GRM3: variants seen among roughly 807,000 people sequenced by gnomAD.
GRM3 encodes glutamate metabotropic receptor 3.
Under a neutral mutation model 70.5 loss-of-function variants are expected in GRM3, and 26 were observed. That is an observed-to-expected ratio of 0.37 (90% CI 0.27 to 0.51). GRM3 has a LOEUF of 0.51. Ranked by LOEUF, GRM3 falls within the 20% of genes least tolerant of loss-of-function variation. The probability of loss-of-function intolerance (pLI) is 0.93; values close to 1 mark genes in which losing one functional copy is unlikely to be tolerated. For missense variants in GRM3, 859 were observed against 1,123.8 expected (o/e 0.76, Z 3.37); for synonymous variants, 443 against 434.9 (o/e 1.02, Z -0.23).
chr7:86,762,686 T>C (rs1045074934), intron 1 of GRM3, among the ~76,000 whole-genome samples: 2 of 152,090 alleles, frequency 1.3e-5, no homozygotes, highest in African/African-American at 4.8e-5. Flanking sequence ...AGTCAACAGT[T>C]TGATTGGGGA....
In GRM3 at chr7:86,788,902, A is replaced by T. The variant is rs116690410; in HGVS notation, c.1324+1786A>T. 4.9e-3 allele frequency among the ~76,000 whole-genome samples: 744 copies of T among 152,318 alleles called. 6 individuals are homozygous for T. Among genetic ancestry groups the T allele is most frequent in the African/African-American group, 0.017 (707 of 41,566 alleles). ...AAATATACAAATATATTCACTCATC[A>T]ACAGCTAAAATAAAATGAACGCTTA... On this transcript the variant is annotated intron_variant, in intron 3 of 5. Transcript: ENST00000361669.
chr7:86,747,784 A>T (rs185897308), intron 1 of GRM3, among the ~76,000 whole-genome samples: 4 of 152,250 alleles, frequency 2.6e-5, no homozygotes, highest in Non-Finnish European at 4.4e-5. Flanking sequence ...CAAGAACATA[A>T]CACAGTCCAA....
intron 3 of GRM3, among the ~76,000 whole-genome samples, chr7:86,793,016 CTTTTTTTTTTTTT>C (rs140134217): frequency 1.1e-5 from 1 of 94,362 alleles, no homozygotes. Context: ...GGTTGGTTGC[CTTTTTTTTTTTTT>C]TTTTTTTTTT....
chr7:86,695,366 T>A (rs1431757110), intron 1 of GRM3, among the ~76,000 whole-genome samples: 1 of 152,206 alleles, frequency 6.6e-6, no homozygotes, highest in Non-Finnish European at 1.5e-5. Context: ...AGAATTAAAA[T>A]CTTTCCATAA....
chr7:86,739,548 T>G (rs940454406), intron 1 of GRM3, among the ~76,000 whole-genome samples: 1 of 152,196 alleles, frequency 6.6e-6, no homozygotes, highest in African/African-American at 2.4e-5. Flanking sequence ...ACTAAATCAG[T>G]GGTTCTCAGA....
At chr7:86,718,788 C>G (rs1423413994) in intron 1 of GRM3, among the ~76,000 whole-genome samples, 2 of 151,900 alleles carry the variant, frequency 1.3e-5, no homozygotes, top group Non-Finnish European at 2.9e-5. Context: ...ACATTAAATA[C>G]AGAAAGTTGA....
At chr7:86,745,930 T>A (rs1796090948) in intron 1 of GRM3, among the ~76,000 whole-genome samples, 4 of 151,564 alleles carry the variant, frequency 2.6e-5, no homozygotes, top group Admixed American at 2.6e-4. Flanking sequence ...GTGTACAGAT[T>A]AATATTTGTT....
Position 86,673,867 on chromosome 7 carries a change from C to G in GRM3, c.-141+28995C>G, listed in dbSNP as rs148765897. Among the ~76,000 whole-genome samples, 179 of 152,206 alleles carry G rather than the reference C, an allele frequency of 1.2e-3. 1 individual carries two copies. The highest frequency in any genetic ancestry group is 4.0e-3 in the African/African-American group (166 of 41,544). ...ACCATACTTAATCATTCTCTAAGTT[C>G]AAGAAATTTTTGACTCCTACACTTT... On this transcript the variant is annotated intron_variant, in intron 1 of 5. Transcript: ENST00000361669.
intron 3 of GRM3, among the ~76,000 whole-genome samples, chr7:86,831,109 C>T (rs536164715): frequency 6.6e-6 from 1 of 152,216 alleles, no homozygotes; most frequent in Non-Finnish European, 1.5e-5. Context: ...CATCTCAAGC[C>T]ACTCAGTTTG....
At chr7:86,750,483 A>G (rs530035971) in intron 1 of GRM3, among the ~76,000 whole-genome samples, 1 of 152,228 alleles carries the variant, frequency 6.6e-6, no homozygotes, top group East Asian at 1.9e-4. Flanking sequence ...TGTGTTAGGA[A>G]TGAAAAGAAA....
intron 1 of GRM3, among the ~76,000 whole-genome samples, chr7:86,695,461 T>C (rs932156821): frequency 6.6e-6 from 1 of 152,168 alleles, no homozygotes; most frequent in African/African-American, 2.4e-5. Context: ...TAGAACCTAG[T>C]CCTGCTGTTA....
intron 5 of GRM3, among the ~76,000 whole-genome samples, chr7:86,857,880 C>T (rs1450937159): frequency 6.6e-6 from 1 of 151,790 alleles, no homozygotes; most frequent in Non-Finnish European, 1.5e-5. Context: ...ATTGGGCATC[C>T]CTCTTTATAC....
chr7:86,697,112 G>C (rs62488002), intron 1 of GRM3, among the ~76,000 whole-genome samples: 6,236 of 152,140 alleles, frequency 0.041, 168 homozygotes, highest in Non-Finnish European at 0.06. Flanking sequence ...TGCCTACATA[G>C]AGAAGGAGAA....
intron 1 of GRM3, among the ~76,000 whole-genome samples, chr7:86,733,988 G>C (rs924339289): frequency 6.6e-6 from 1 of 152,226 alleles, no homozygotes; most frequent in African/African-American, 2.4e-5. Context: ...TGCTGAACCA[G>C]ATGTCTGCCT....
Position 86,765,233 on chromosome 7 carries a change from A to G in GRM3, c.88A>G (p.Arg30Gly), listed in dbSNP as rs1273324153. The change falls in exon 2 of 6, where the codon AGG becomes GGG. Residue 30 changes from arginine to glycine, a missense_variant. Arg to Gly is a moderately radical substitution (Grantham distance 125, BLOSUM62 -2). Transcript: ENST00000361669. ...CTCTTTAGGGGACCATAACTTTCTAAGGAGAGAGATTAAAATAGAAGGTGA... is the reference window on the plus strand; with the variant it reads ...CTCTTTAGGGGACCATAACTTTCTAGGGAGAGAGATTAAAATAGAAGGTGA... ...LLSLGDHNFLRREIKIEGDLV... is the reference protein window; with the variant it reads ...LLSLGDHNFLGREIKIEGDLV... 2 of 1,613,644 alleles carry G rather than the reference A, an allele frequency of 1.2e-6. No individual in the cohort carries two copies. The highest frequency in any genetic ancestry group is 2.2e-5 in the South Asian group (2 of 91,058).
chr7:86,732,964 G>C (rs562154504), intron 1 of GRM3, among the ~76,000 whole-genome samples: 69 of 152,218 alleles, frequency 4.5e-4, no homozygotes, highest in Non-Finnish European at 8.4e-4. Context: ...AACTGAGGCA[G>C]AAAAGCGCTA....
intron 5 of GRM3, among the ~76,000 whole-genome samples, chr7:86,855,645 AAAAG>A (rs1798832557): frequency 6.6e-6 from 1 of 152,172 alleles, no homozygotes; most frequent in African/African-American, 2.4e-5. Flanking sequence ...TCGCATTATA[AAAAG>A]AAAGTGGTAG....
At chr7:86,859,923 A>C (rs141919875) in intron 5 of GRM3, among the ~76,000 whole-genome samples, 1 of 152,316 alleles carries the variant, frequency 6.6e-6, no homozygotes, top group African/African-American at 2.4e-5. Context: ...CCAGTTTGTG[A>C]AGCAAAATAT....
chr7:86,839,056 C>A lies in GRM3; in HGVS notation c.1542C>A (p.Ala514=), dbSNP rs767785844. ...VPTSQCSDPC[A]PNEMKNMQPG... is the part of the protein sequence containing the mutation. Reference sequence around the variant, plus strand: ...CTTCCCAGTGCAGCGACCCCTGTGCCCCCAATGAAATGAAGAATATGCAAC... The same window carrying A: ...CTTCCCAGTGCAGCGACCCCTGTGCACCCAATGAAATGAAGAATATGCAAC... The change falls in exon 4 of 6, where the codon GCC becomes GCA. Residue 514 remains alanine (A), a synonymous_variant. Transcript: ENST00000361669. This position sits in a 1 kb window ranked among gnomAD's most constrained non-coding sequence, Gnocchi z 4.5. 6.2e-7 allele frequency: 1 copy of A among 1,613,960 alleles called. No individual in the cohort carries two copies.
Sources: allele counts gnomAD v4.1 joint callset (sites outside exome capture counted in the v4.1 genomes callset), GRCh38; gene constraint gnomAD v4.1.1; non-coding constraint Gnocchi (gnomAD v3.1); transcripts MANE v1.5; gene names NCBI Gene and HGNC (gene_info 2026-07-23, HGNC 2026-07-21).